Variants in THAP9 observed in about 807,000 individuals in gnomAD.
THAP9 encodes THAP domain containing 9, also known as DNA transposase THAP9.
A neutral mutation model predicts 35.7 loss-of-function variants in THAP9; 20 were observed. The observed-to-expected ratio is 0.56, with a 90% CI of 0.39 to 0.81. THAP9 has a LOEUF of 0.81. Among genes scored for constraint, THAP9 ranks in the 40% least tolerant of loss-of-function variants. The probability of loss-of-function intolerance (pLI) is 0.00; values close to 1 mark genes in which losing one functional copy is unlikely to be tolerated. For synonymous variants in THAP9, 335 were observed against 373.7 expected (o/e 0.90, Z 1.19); for missense variants, 870 against 1,047.4 (o/e 0.83, Z 2.34).
At chr4:82,907,306 A>T (rs181927491) in intron 3 of THAP9, among the ~76,000 whole-genome samples, 213 of 152,104 alleles carry the variant, frequency 1.4e-3, no homozygotes, top group Non-Finnish European at 2.5e-3. Context: ...TGTTTTTCCA[A>T]GAGGGGACTA....
At chr4:82,907,150 T>C (rs1256931565) in intron 3 of THAP9, among the ~76,000 whole-genome samples, 1 of 152,160 alleles carries the variant, frequency 6.6e-6, no homozygotes, top group Admixed American at 6.5e-5. Flanking sequence ...TAGAGTGAAC[T>C]AAGATCTTTG....
intron 4 of THAP9, among the ~76,000 whole-genome samples, chr4:82,913,771 C>A (rs1720947777): frequency 6.6e-6 from 1 of 151,658 alleles, no homozygotes; most frequent in Non-Finnish European, 1.5e-5. Context: ...GCTCTGTTGC[C>A]CATACTGGAG....
chr4:82,909,862 T>TG (rs1445449694), intron 4 of THAP9: 1 of 152,152 alleles, frequency 6.6e-6, no homozygotes, highest in Non-Finnish European at 1.5e-5. Context: ...GTACATATTC[T>TG]GGGGGTACAT....
chr4:82,910,806 G>T (rs1267403955), intron 4 of THAP9: 1 of 431,672 alleles, frequency 2.3e-6, no homozygotes, highest in Non-Finnish European at 4.7e-6. Context: ...GCTGCTGGGA[G>T]ATCAGGTAAG....
At position 82,918,919 on chromosome 4, in the gene THAP9, A is replaced by C; in HGVS notation, c.2707A>C (p.Lys903Gln). The part of the protein sequence containing the change: ...HLLSNDGYPF[K>Q] The stretch of plus-strand genomic sequence containing the variant: ...GCTAAGTAACGATGGATATCCATTC[A>C]AATGAGAGACCTAAAATATATTAAC... The change falls in exon 5 of 5, where the codon AAA becomes CAA. Residue 903 changes from lysine (K) to glutamine (Q), a missense_variant. This residue lies in a region of THAP9 where 414 missense variants were observed against 500.8 expected (regional missense o/e 0.83). Coordinates refer to ENST00000302236, the MANE Select transcript of THAP9 (RefSeq NM_024672.6). 1 of 1,577,936 alleles carries C rather than the reference A, an allele frequency of 6.3e-7. No homozygotes were observed. The highest frequency in any genetic ancestry group is 1.4e-5 in the African/African-American group (1 of 73,282).
chr4:82,901,012 C>T lies in THAP9; in HGVS notation c.80+130C>T, dbSNP rs529350129. 2.6e-5 allele frequency: 29 copies of T among 1,129,026 alleles called. 1 individual carries two copies. In the South Asian group the frequency reaches 3.3e-4, roughly 13 times the overall value. The allele number at this position is 1,129,026 out of a possible 1,614,324, so 69.9% of individuals were successfully genotyped here. A position where few individuals can be genotyped will look rare whatever the true frequency, so the allele number is the denominator to read the frequency against. On this transcript the variant is annotated intron_variant, in intron 1 of 4. Coordinates refer to ENST00000302236, the MANE Select transcript of THAP9 (RefSeq NM_024672.6). ...GTGTGACGCGACGTGACGTGCGCAG[C>T]GTCGGGGCGTGGGAGCGGAATTGGG...
At chr4:82,916,157 C>G (rs1305314454) in intron 4 of THAP9, among the ~76,000 whole-genome samples, 2 of 152,180 alleles carry the variant, frequency 1.3e-5, no homozygotes, top group Non-Finnish European at 2.9e-5. Context: ...GGTGAACATC[C>G]TAGTCTCTCC....
At chr4:82,901,053 A>G in intron 1 of THAP9, 171 bp downstream of exon 1, 1 of 798,202 alleles carries the variant, frequency 1.3e-6, no homozygotes. Context: ...GTGAGAATTG[A>G]GATTCTCTCT....
rs1368882728 is a variant in THAP9 at position 82,906,509 on chromosome 4, C to A, written c.462C>A (p.Ile154=). ...TACAAGTGTCCAAAAAAAGACTTAT[C>A]TCCGTAAAGAACTACAGGATGATCA... The part of the protein sequence containing the change: ...QMLQVSKKRL[I]SVKNYRMIKK... Residue 154 remains isoleucine (I), a synonymous_variant, in exon 3 of 5, where the codon ATC becomes ATA. Transcript: ENST00000302236. 3 of 1,613,798 alleles carry A rather than the reference C, an allele frequency of 1.9e-6. No individual in the cohort carries two copies. The highest frequency in any genetic ancestry group is 4.5e-5 in the East Asian group (2 of 44,832).
At position 82,917,208 on chromosome 4, in the gene THAP9, T is replaced by C. The variant is rs770480270; in HGVS notation, c.996T>C (p.His332=). 6.2e-7 allele frequency: 1 copy of C among 1,614,148 alleles called. No homozygotes were observed. The highest frequency in any genetic ancestry group is 8.5e-7 in the Non-Finnish European group (1 of 1,180,004). The change falls in exon 5 of 5, where the codon CAT becomes CAC. Residue 332 remains histidine (H), a synonymous_variant. Transcript: ENST00000302236. ...VLLMAVGIFG[H]WRTPLGYFFV... ...TAATGGCAGTGGGTATTTTTGGCCA[T>C]TGGAGAACACCTCTTGGTTATTTTT...
intron 4 of THAP9, among the ~76,000 whole-genome samples, chr4:82,915,257 G>A (rs930496460): frequency 1.3e-5 from 2 of 151,452 alleles, no homozygotes; most frequent in Middle Eastern, 3.4e-3. Context: ...GTTTTGTTTT[G>A]TTTTGTTTTG....
intron 1 of THAP9, chr4:82,901,277 C>T: frequency 2.3e-6 from 1 of 430,942 alleles, no homozygotes; most frequent in Non-Finnish European, 4.7e-6. Flanking sequence ...TACTGCCTGA[C>T]ATTGCAAGTT....
chr4:82,913,322 A>C (rs1163829886), intron 4 of THAP9: 1 of 152,250 alleles, frequency 6.6e-6, no homozygotes, highest in African/African-American at 2.4e-5. Flanking sequence ...TCAGCAGAAC[A>C]TAAGTTGGTT....
intron 1 of THAP9, 78 bp downstream of exon 1, chr4:82,900,960 C>T (rs1349828228): frequency 6.5e-7 from 1 of 1,541,450 alleles, no homozygotes; most frequent in Non-Finnish European, 8.9e-7. Context: ...GGGGCGGGGC[C>T]GGGCCGCACT....
At chr4:82,910,729 G>C in intron 4 of THAP9, 2 of 523,784 alleles carry the variant, frequency 3.8e-6, no homozygotes, top group Non-Finnish European at 6.9e-6. Context: ...AAAACCAGGA[G>C]ATTGTGATGG....
chr4:82,915,750 A>G (rs1721014990), intron 4 of THAP9, among the ~76,000 whole-genome samples: 1 of 152,148 alleles, frequency 6.6e-6, no homozygotes, highest in African/African-American at 2.4e-5. Context: ...AGTCCTGTAG[A>G]CAGTCCTGCA....
chr4:82,913,189 T>C (rs1390702305), intron 4 of THAP9: 1 of 152,188 alleles, frequency 6.6e-6, no homozygotes, highest in African/African-American at 2.4e-5. Context: ...GCCTACTCTT[T>C]CTTATAAAAA....
Position 82,907,871 on chromosome 4 carries a change from A to G in THAP9, c.667A>G (p.Ser223Gly). 1 of 1,612,204 alleles carries G rather than the reference A, an allele frequency of 6.2e-7. No individual in the cohort carries two copies. Among genetic ancestry groups the G allele is most frequent in the Non-Finnish European group, 8.5e-7 (1 of 1,179,180 alleles). Residue 223 changes from serine (S) to glycine (G), a missense_variant, in exon 4 of 5, where the codon AGT becomes GGT. Coordinates refer to ENST00000302236, the MANE Select transcript of THAP9 (RefSeq NM_024672.6). The stretch of plus-strand genomic sequence containing the variant: ...ATTTGCATGTACACTCTACTTGTGC[A>G]GTAGCAAAGTCTATGATTATGTAAG... ...KQFACTLYLC[S>G]SKVYDYVRKI... is the part of the protein sequence containing the mutation.
At chr4:82,913,268 G>A (rs1720926304) in intron 4 of THAP9, 1 of 152,078 alleles carries the variant, frequency 6.6e-6, no homozygotes, top group African/African-American at 2.4e-5. Context: ...TCTAGTAGCT[G>A]TAGATATTCA....
Sources: gnomAD v4.1 joint callset for allele counts (sites outside exome capture counted in the v4.1 genomes callset) on GRCh38, gnomAD v4.1.1 for gene constraint, gnomAD v4.1.1 regional missense constraint, MANE v1.5 for transcripts, NCBI Gene and HGNC (gene_info 2026-07-23, HGNC 2026-07-21) for gene names.